Variants in SIM2 observed in about 807,000 individuals in gnomAD.
SIM2 encodes the protein single-minded homolog 2.
A neutral mutation model predicts 64.8 loss-of-function variants in SIM2; 28 were observed. The observed-to-expected ratio is 0.43, with a 90% CI of 0.32 to 0.59. The LOEUF (loss-of-function observed/expected upper bound fraction) is 0.59. Among genes scored for constraint, SIM2 ranks in the 20% least tolerant of loss-of-function variants. SIM2 has a pLI of 0.07. For missense variants in SIM2, 847 were observed against 871.4 expected, an observed-to-expected ratio of 0.97 and a Z score of 0.35; for synonymous variants, 408 against 391.1, an observed-to-expected ratio of 1.04 and a Z score of -0.51.
chr21:36,736,214 C>T (rs946904904), intron 7 of SIM2, among the ~76,000 whole-genome samples: 7 of 152,108 alleles, frequency 4.6e-5, no homozygotes, highest in African/African-American at 1.4e-4. Context: ...CTGTCGTGGG[C>T]AGTGGGTGAG....
intron 1 of SIM2, among the ~76,000 whole-genome samples, chr21:36,708,018 T>C (rs2854040): frequency 0.79 from 120,116 of 151,842 alleles, 48,082 homozygotes; most frequent in African/African-American, 0.93. Context: ...CGCAGCTCGC[T>C]CCGCAGGGGT....
At chr21:36,725,068 G>A (rs1439649910) in intron 5 of SIM2, among the ~76,000 whole-genome samples, 1 of 152,180 alleles carries the variant, frequency 6.6e-6, no homozygotes, top group Non-Finnish European at 1.5e-5. Flanking sequence ...TACTGGGGCA[G>A]GGCACAGTGA....
intron 10 of SIM2, among the ~76,000 whole-genome samples, chr21:36,746,654 C>T (rs954502366): frequency 6.6e-6 from 1 of 152,220 alleles, no homozygotes; most frequent in Non-Finnish European, 1.5e-5. Flanking sequence ...TGCCTTTTGA[C>T]CTGGCCTGTC....
intron 6 of SIM2, among the ~76,000 whole-genome samples, chr21:36,730,339 C>T (rs2088949882): frequency 6.6e-6 from 1 of 152,228 alleles, no homozygotes; most frequent in Non-Finnish European, 1.5e-5. Flanking sequence ...CATGGATAGC[C>T]TTGGAAACAT....
chr21:36,748,089 G>C lies in SIM2; in HGVS notation c.2001G>C (p.Arg667Ser). 1 of 1,202,384 alleles carries C rather than the reference G, an allele frequency of 8.3e-7. No individual in the cohort carries two copies. The highest frequency in any genetic ancestry group is 1.0e-6 in the Non-Finnish European group (1 of 968,858). The allele number at this position is 1,202,384 out of a possible 1,614,324, so 74.5% of individuals were successfully genotyped here. The change falls in exon 11 of 11, where the codon AGG becomes AGC. Residue 667 changes from arginine to serine, a missense_variant. Transcript: ENST00000290399. ...CCTCGGTCATCATCACCAACGGGAG[G>C]TGACCCGCTGGCCGCCCGCGCCAGG... is the stretch of plus-strand genomic sequence containing the variant. Reference protein sequence around the residue: ...LGASVIITNGR With the variant: ...LGASVIITNGS
rs747032214 is a variant in SIM2 at position 36,745,175 on chromosome 21, C to A, written c.1576+39C>A. 2 of 1,578,024 alleles carry A rather than the reference C, an allele frequency of 1.3e-6. No individual in the cohort carries two copies. Among genetic ancestry groups the A allele is most frequent in the Non-Finnish European group, 1.7e-6 (2 of 1,161,606 alleles). On this transcript the variant is annotated intron_variant, in intron 10 of 10. Coordinates refer to ENST00000290399, the MANE Select transcript of SIM2 (RefSeq NM_005069.6). The surrounding 1 kb of genome is among the most constrained non-coding windows in gnomAD (Gnocchi z 4.8). ...GCTCGTGGGGAAGGTGGGAGGACTG[C>A]GCACGGCCGGGAGCCGAAGCAGCCA...
At chr21:36,707,906 A>G (rs1214878222) in intron 1 of SIM2, among the ~76,000 whole-genome samples, 1 of 138,432 alleles carries the variant, frequency 7.2e-6, no homozygotes, top group African/African-American at 2.7e-5. Flanking sequence ...CCTTTGGTTC[A>G]GTGCTCGCGG....
chr21:36,727,015 A>T (rs544693132), intron 6 of SIM2, among the ~76,000 whole-genome samples: 3 of 152,282 alleles, frequency 2.0e-5, no homozygotes, highest in African/African-American at 4.8e-5. Flanking sequence ...TGAGTTTTTT[A>T]AAATTGAAGT....
At chr21:36,725,585 G>A (rs2088879341) in intron 5 of SIM2, among the ~76,000 whole-genome samples, 1 of 152,140 alleles carries the variant, frequency 6.6e-6, no homozygotes, top group Non-Finnish European at 1.5e-5. Flanking sequence ...GTTACTTACA[G>A]TACAGTCAAT....
At chr21:36,741,672 G>C in intron 7 of SIM2, 45 bp from the exon 8 acceptor site, 1 of 1,602,496 alleles carries the variant, frequency 6.2e-7, no homozygotes, top group Non-Finnish European at 8.5e-7. Context: ...CCCAGAGGTG[G>C]GGCCTGCGAA....
At chr21:36,700,655 A>C (rs1241087422) in intron 1 of SIM2, among the ~76,000 whole-genome samples, 1 of 152,178 alleles carries the variant, frequency 6.6e-6, no homozygotes, top group African/African-American at 2.4e-5. Flanking sequence ...GTGAGGCCCA[A>C]GCACTGCAGG....
rs1165450472 is a variant in SIM2 at position 36,723,243 on chromosome 21, TGTA to T, written c.543+115_543+117del. ...AGCACAAACTCGTCATCCCCACTAA[TGTA>T]GAGCTCTCCAGCAACGTGGTGCACA... On this transcript the variant is annotated intron_variant, in intron 5 of 10. Coordinates refer to ENST00000290399, the MANE Select transcript of SIM2 (RefSeq NM_005069.6). The T allele has an allele frequency of 7.4e-6, 6 of 810,444 alleles. No individual in the cohort carries two copies. The African/African-American group carries it at 8.4e-5, about 11-fold the overall frequency. 50.2% of individuals were successfully genotyped at this position (810,444 alleles called of 1,614,324 possible).
rs1181311006 is a variant in SIM2 at position 36,726,581 on chromosome 21, GTTTTA to G, written c.743+272_743+276del. ...TATTTTATTTACTTATTGATTACTT[GTTTTA>G]TTTTATTTACTTATTTGAATCACTA... On this transcript the variant is annotated intron_variant, in intron 6 of 10. Coordinates refer to ENST00000290399, the MANE Select transcript of SIM2 (RefSeq NM_005069.6). This position sits in a 1 kb window ranked among gnomAD's most constrained non-coding sequence, Gnocchi z 4.5. 6.6e-6 allele frequency among the ~76,000 whole-genome samples: 1 copy of G among 152,036 alleles called. No homozygotes were observed. Among genetic ancestry groups the G allele is most frequent in the Non-Finnish European group, 1.5e-5 (1 of 68,000 alleles).
At position 36,699,714 on chromosome 21, in the gene SIM2, G is replaced by T. The variant is rs773683801; in HGVS notation, c.-33G>T. The T allele has an allele frequency of 5.0e-6, 8 of 1,602,364 alleles. No individual in the cohort carries two copies. In the Admixed American group the frequency reaches 5.1e-5, roughly 10 times the overall value. On this transcript the variant is annotated 5_prime_UTR_variant, in exon 1 of 11. Transcript: ENST00000290399. This position sits in a 1 kb window ranked among gnomAD's most constrained non-coding sequence, Gnocchi z 5.6. ...GCGGGGCTCCGCGGGCCTGGAGCACGGCCGGGTCTAATATGCCCGGAGCCG... is the reference window on the plus strand; with the variant it reads ...GCGGGGCTCCGCGGGCCTGGAGCACTGCCGGGTCTAATATGCCCGGAGCCG...
At chr21:36,728,456 C>A (rs566341477) in intron 6 of SIM2, among the ~76,000 whole-genome samples, 3 of 152,188 alleles carry the variant, frequency 2.0e-5, no homozygotes, top group African/African-American at 7.2e-5. Context: ...GGCTTTGCAG[C>A]GCCAGAGGGG....
At position 36,706,953 on chromosome 21, in the gene SIM2, G is replaced by A. The variant is rs371866958; in HGVS notation, c.176-2215G>A. Among the ~76,000 whole-genome samples the A allele has an allele frequency of 3.9e-5, 6 of 152,364 alleles. 1 individual carries two copies. The highest frequency in any genetic ancestry group is 2.0e-4 in the Admixed American group (3 of 15,304). ...TGTCCTGTGTGCCCAATGCACTTTT[G>A]CATGTAGAGCCAGGGCCTTCGAGGA... On this transcript the variant is annotated intron_variant, in intron 1 of 10. Transcript: ENST00000290399.
chr21:36,717,351 A>G (rs936622767), intron 3 of SIM2, among the ~76,000 whole-genome samples: 1 of 152,212 alleles, frequency 6.6e-6, no homozygotes, highest in Admixed American at 6.5e-5. Context: ...GAGAAACGAT[A>G]GGCCAATATA....
rs1568933488 is a variant in SIM2 at position 36,726,438 on chromosome 21, G to A, written c.743+120G>A. 2 of 885,330 alleles carry A rather than the reference G, an allele frequency of 2.3e-6. No individual in the cohort carries two copies. The highest frequency in any genetic ancestry group is 5.3e-5 in the East Asian group (2 of 37,524). The allele number at this position is 885,330 out of a possible 1,614,324, so 54.8% of individuals were successfully genotyped here. On this transcript the variant is annotated intron_variant, in intron 6 of 10. Transcript: ENST00000290399. This position sits in a 1 kb window ranked among gnomAD's most constrained non-coding sequence, Gnocchi z 4.5. ...ACAAGGAATAAGTCATAATAGGAAT[G>A]TGGATTAAGCAAAACCAATTTATGA...
chr21:36,716,393 G>A (rs1465685344), intron 3 of SIM2, among the ~76,000 whole-genome samples: 1 of 104,386 alleles, frequency 9.6e-6, no homozygotes, highest in Non-Finnish European at 2.3e-5. Flanking sequence ...CTATTTATGA[G>A]ACACATAAAA....
Sources: allele counts gnomAD v4.1 joint callset (sites outside exome capture counted in the v4.1 genomes callset), GRCh38; gene constraint gnomAD v4.1.1; non-coding constraint Gnocchi (gnomAD v3.1); transcripts MANE v1.5; gene names NCBI Gene and HGNC (gene_info 2026-07-23, HGNC 2026-07-21).